MBNL1: variants seen among roughly 807,000 people sequenced by gnomAD.
MBNL1 encodes the protein muscleblind like splicing regulator 1.
A neutral mutation model predicts 42.2 loss-of-function variants in MBNL1; 8 were observed. The ratio of observed to expected loss-of-function variants is 0.19; its 90% CI spans 0.11 to 0.34. The LOEUF (loss-of-function observed/expected upper bound fraction) is 0.34. Ranked by LOEUF, MBNL1 falls within the 10% of genes least tolerant of loss-of-function variation. The pLI is 1.00. For synonymous variants in MBNL1, 169 were observed against 173.9 expected (o/e 0.97, Z 0.22); for missense variants, 309 against 495.3 (o/e 0.62, Z 3.57).
chr3:152,334,413 T>G (rs2087850371), intron 2 of MBNL1, among the ~76,000 whole-genome samples: 1 of 152,226 alleles, frequency 6.6e-6, no homozygotes, highest in Non-Finnish European at 1.5e-5. Flanking sequence ...CCTGCTTAAC[T>G]CTGTTGTCCA....
chr3:152,270,010 G>T (rs762981240), intron 1 of MBNL1, among the ~76,000 whole-genome samples: 1 of 151,014 alleles, frequency 6.6e-6, no homozygotes, highest in South Asian at 2.1e-4. Flanking sequence ...AACACGAGCA[G>T]GTATATGGTG....
rs374641558 is a variant in MBNL1, at chr3:152,432,708, A to T, written c.346-9A>T. 7 of 1,613,876 alleles carry T rather than the reference A, an allele frequency of 4.3e-6. 1 individual carries two copies. The Middle Eastern group carries it at 4.9e-4, about 114-fold the overall frequency. On this transcript the variant is annotated splice_polypyrimidine_tract_variant and intron_variant, in intron 3 of 9. Transcript: ENST00000324210. ...GCATGTTAAATTTTGCTTTTATTTTATTTTTCAGCCAATGTTTTCAGTTGC... is the reference window on the plus strand; with the variant it reads ...GCATGTTAAATTTTGCTTTTATTTTTTTTTTCAGCCAATGTTTTCAGTTGC...
intron 4 of MBNL1, among the ~76,000 whole-genome samples, chr3:152,434,459 G>A (rs1482443316): frequency 1.3e-5 from 2 of 152,166 alleles, no homozygotes; most frequent in African/African-American, 4.8e-5. Flanking sequence ...TACTATTGAT[G>A]GGCACTTAAG....
At chr3:152,355,316 A>G (rs753062993) in intron 2 of MBNL1, among the ~76,000 whole-genome samples, 2 of 152,220 alleles carry the variant, frequency 1.3e-5, no homozygotes, top group Non-Finnish European at 2.9e-5. Context: ...AGTATACACA[A>G]ATGCCTAGAG....
intron 2 of MBNL1, among the ~76,000 whole-genome samples, chr3:152,330,270 G>A (rs2083426471): frequency 6.6e-6 from 1 of 152,054 alleles, no homozygotes; most frequent in African/African-American, 2.4e-5. Context: ...GCACACCACT[G>A]CCCAGCTAAA....
chr3:152,345,137 T>A (rs1380602796), intron 2 of MBNL1, among the ~76,000 whole-genome samples: 1 of 152,104 alleles, frequency 6.6e-6, no homozygotes, highest in African/African-American at 2.4e-5. Context: ...TTTTGGCAAT[T>A]CACTGTGGGA....
chr3:152,354,513 A>C (rs1050663925), intron 2 of MBNL1, among the ~76,000 whole-genome samples: 1 of 152,178 alleles, frequency 6.6e-6, no homozygotes, highest in Non-Finnish European at 1.5e-5. Flanking sequence ...AAAGAACTAC[A>C]AAAGATTTTT....
intron 2 of MBNL1, among the ~76,000 whole-genome samples, chr3:152,397,966 A>G (rs567771667): frequency 9.8e-5 from 15 of 152,336 alleles, no homozygotes; most frequent in Admixed American, 2.0e-4. Context: ...TTCACTTGCT[A>G]CATAGTCTTT....
intron 2 of MBNL1, among the ~76,000 whole-genome samples, chr3:152,309,795 G>A (rs981917866): frequency 1.3e-5 from 2 of 151,346 alleles, no homozygotes; most frequent in Middle Eastern, 3.4e-3. Flanking sequence ...TTCATAGACT[G>A]GAAATAAGTA....
intron 1 of MBNL1, among the ~76,000 whole-genome samples, chr3:152,291,824 T>C (rs2056176461): frequency 6.6e-6 from 1 of 152,224 alleles, no homozygotes; most frequent in African/African-American, 2.4e-5. Context: ...TTACCTAGGC[T>C]AGAGTGTAGT....
intron 2 of MBNL1, among the ~76,000 whole-genome samples, chr3:152,321,320 G>A (rs187895905): frequency 6.6e-6 from 1 of 152,208 alleles, no homozygotes; most frequent in East Asian, 1.9e-4. Flanking sequence ...CTTGAGCATT[G>A]TGATATGTTA....
rs1037961420 is a variant in MBNL1 at position 152,300,138 on chromosome 3, G to C, written c.-56G>C. The C allele has an allele frequency of 5.9e-5, 70 of 1,192,394 alleles. No individual in the cohort carries two copies. The highest frequency in any genetic ancestry group is 1.0e-4 in the South Asian group (6 of 59,902). 73.9% of individuals were successfully genotyped at this position (1,192,394 alleles called of 1,614,324 possible). On this transcript the variant is annotated 5_prime_UTR_variant, in exon 2 of 10. Transcript: ENST00000324210. ...TTTTTTTGGTTGTTGCTCTTTTTTGGGGGGGTTGGGTTTGTTGGTTTCACT... is the reference window on the plus strand; with the variant it reads ...TTTTTTTGGTTGTTGCTCTTTTTTGCGGGGGTTGGGTTTGTTGGTTTCACT...
At chr3:152,423,582 G>T (rs11918261) in intron 3 of MBNL1, among the ~76,000 whole-genome samples, 1 of 152,076 alleles carries the variant, frequency 6.6e-6, no homozygotes, top group Non-Finnish European at 1.5e-5. Flanking sequence ...CACTCATTTT[G>T]TGAGGCCAGC....
intron 5 of MBNL1, among the ~76,000 whole-genome samples, chr3:152,446,923 A>T (rs1373303852): frequency 6.6e-6 from 1 of 152,174 alleles, no homozygotes; most frequent in Non-Finnish European, 1.5e-5. Flanking sequence ...GAAAGACTAT[A>T]ATCTAAGTAC....
Position 152,395,602 on chromosome 3 carries a change from T to A in MBNL1, c.175-19339T>A, listed in dbSNP as rs563423900. 2.0e-5 allele frequency among the ~76,000 whole-genome samples: 3 copies of A among 152,346 alleles called. No homozygotes were observed. The South Asian group carries it at 6.2e-4, about 32-fold the overall frequency. The stretch of plus-strand genomic sequence containing the variant: ...AGCGCAGTCTTTCTGTATTCTTAGG[T>A]CATCTTCACTAAGGAGTGTCTTCCT... On this transcript the variant is annotated intron_variant, in intron 2 of 9. Transcript: ENST00000324210.
intron 6 of MBNL1, among the ~76,000 whole-genome samples, chr3:152,449,686 G>C (rs1718055829): frequency 6.6e-6 from 1 of 152,162 alleles, no homozygotes; most frequent in African/African-American, 2.4e-5. Context: ...GTCTCTCTGT[G>C]CTAGGTTAAG....
intron 4 of MBNL1, among the ~76,000 whole-genome samples, chr3:152,435,483 G>A (rs1329264086): frequency 4.6e-5 from 7 of 152,162 alleles, no homozygotes; most frequent in Non-Finnish European, 1.0e-4. Context: ...GATGCCTACA[G>A]CTTTGTTATT....
At chr3:152,310,005 A>T (rs2065449224) in intron 2 of MBNL1, among the ~76,000 whole-genome samples, 1 of 152,228 alleles carries the variant, frequency 6.6e-6, no homozygotes, top group Non-Finnish European at 1.5e-5. Context: ...TTGCTCAGGT[A>T]ACACACAAGT....
chr3:152,438,990 A>G (rs1184468824), intron 4 of MBNL1, among the ~76,000 whole-genome samples: 1 of 152,226 alleles, frequency 6.6e-6, no homozygotes, highest in African/African-American at 2.4e-5. Flanking sequence ...GGTTAGCTGC[A>G]CCATTTTTAC....
Sources: gnomAD v4.1 joint callset for allele counts (sites outside exome capture counted in the v4.1 genomes callset) on GRCh38, gnomAD v4.1.1 for gene constraint, MANE v1.5 for transcripts, NCBI Gene and HGNC (gene_info 2026-07-23, HGNC 2026-07-21) for gene names.